MSRA: variants seen among roughly 807,000 people sequenced by gnomAD.
MSRA encodes methionine sulfoxide reductase A.
Under a neutral mutation model 31.3 loss-of-function variants are expected in MSRA, and 54 were observed. The ratio of observed to expected loss-of-function variants is 1.73; its 90% CI spans 1.39 to 2.17. MSRA has a LOEUF of 2.17. Ranked by LOEUF, MSRA falls within the 30% of genes most tolerant of loss-of-function variation. The pLI is 0.00. For missense variants in MSRA, 507 were observed against 300.9 expected (o/e 1.69, Z -5.07); for synonymous variants, 169 against 116.5 (o/e 1.45, Z -2.90).
intron 1 of MSRA, among the ~76,000 whole-genome samples, chr8:10,204,534 A>G (rs963468590): frequency 6.6e-6 from 1 of 152,204 alleles, no homozygotes; most frequent in Admixed American, 6.5e-5. Context: ...CAGTATAGTC[A>G]CATGCTGTAC....
chr8:10,398,927 G>T (rs1440134474), intron 5 of MSRA, among the ~76,000 whole-genome samples: 1 of 152,188 alleles, frequency 6.6e-6, no homozygotes, highest in African/African-American at 2.4e-5. Context: ...CCTGGCAGAA[G>T]CCCCTATCGA....
At chr8:10,099,406 T>G (rs1334504276) in intron 1 of MSRA, among the ~76,000 whole-genome samples, 1 of 152,142 alleles carries the variant, frequency 6.6e-6, no homozygotes, top group Admixed American at 6.5e-5. Flanking sequence ...CCCATAGGAA[T>G]TCCTAGTGTA....
chr8:10,080,608 C>T (rs1320954414), intron 1 of MSRA, among the ~76,000 whole-genome samples: 6 of 152,012 alleles, frequency 3.9e-5, no homozygotes, highest in Non-Finnish European at 8.8e-5. Flanking sequence ...TTACTGCAGC[C>T]TTGAACTTCT....
chr8:10,263,899 T>A (rs868121497), intron 3 of MSRA, among the ~76,000 whole-genome samples: 1 of 152,232 alleles, frequency 6.6e-6, no homozygotes, highest in Non-Finnish European at 1.5e-5. Flanking sequence ...GATTTGGTCA[T>A]TTTAAAAGCT....
At chr8:10,151,762 G>A (rs569126540) in intron 1 of MSRA, among the ~76,000 whole-genome samples, 18 of 152,302 alleles carry the variant, frequency 1.2e-4, no homozygotes, top group Admixed American at 7.8e-4. Context: ...GGAAAGCGAT[G>A]GTGAGATTAT....
At chr8:10,064,586 A>AT (rs1299971249) in intron 1 of MSRA, among the ~76,000 whole-genome samples, 5 of 152,228 alleles carry the variant, frequency 3.3e-5, no homozygotes, top group African/African-American at 1.2e-4. Context: ...AAAATACAAA[A>AT]TTTAGGAACA....
chr8:10,390,532 T>G (rs1806676790), intron 5 of MSRA, among the ~76,000 whole-genome samples: 1 of 152,146 alleles, frequency 6.6e-6, no homozygotes, highest in Admixed American at 6.5e-5. Context: ...TATGACAGGA[T>G]AGGAAGCAAA....
intron 1 of MSRA, among the ~76,000 whole-genome samples, chr8:10,116,307 G>T (rs1800673114): frequency 6.6e-6 from 1 of 152,076 alleles, no homozygotes; most frequent in African/African-American, 2.4e-5. Context: ...TTTATATGTG[G>T]CCCAAGGCAG....
chr8:10,424,634 A>T lies in MSRA; in HGVS notation c.544-3514A>T, dbSNP rs550828338. ...CCAGGGTGGAGTGGGATCAGGGAGA[A>T]GGGTCTGCGGCGGAGCTAAACTGGA... On this transcript the variant is annotated intron_variant, in intron 5 of 5. Coordinates refer to ENST00000317173, the MANE Select transcript of MSRA (RefSeq NM_012331.5). 2.2e-5 allele frequency among the ~76,000 whole-genome samples: 3 copies of T among 139,168 alleles called. No homozygotes were observed. The East Asian group carries it at 6.9e-4, about 32-fold the overall frequency. The allele number at this position is 139,168 out of a possible 152,430, so 91.3% of individuals were successfully genotyped here.
intron 1 of MSRA, among the ~76,000 whole-genome samples, chr8:10,074,847 C>T (rs934780184): frequency 1.1e-4 from 16 of 151,874 alleles, no homozygotes; most frequent in East Asian, 1.9e-4. Flanking sequence ...TACCCAGAGA[C>T]GGGGGTTCAC....
At chr8:10,273,188 A>G (rs963013077) in intron 3 of MSRA, among the ~76,000 whole-genome samples, 2 of 152,186 alleles carry the variant, frequency 1.3e-5, no homozygotes, top group Non-Finnish European at 2.9e-5. Context: ...GAGTTGTTCA[A>G]TCTGTTAGCA....
intron 1 of MSRA, among the ~76,000 whole-genome samples, chr8:10,102,327 C>G (rs1451552048): frequency 6.6e-6 from 1 of 152,104 alleles, no homozygotes; most frequent in Admixed American, 6.6e-5. Flanking sequence ...TTTTTTAAGT[C>G]TATTTTCTCT....
At chr8:10,299,909 C>A (rs1318196044) in intron 3 of MSRA, among the ~76,000 whole-genome samples, 7 of 152,166 alleles carry the variant, frequency 4.6e-5, no homozygotes, top group Admixed American at 4.6e-4. Flanking sequence ...GCTTCAGAAG[C>A]ATGGAAAAAT....
At chr8:10,296,349 T>C (rs1800541376) in intron 3 of MSRA, among the ~76,000 whole-genome samples, 1 of 152,216 alleles carries the variant, frequency 6.6e-6, no homozygotes, top group Admixed American at 6.5e-5. Context: ...GAAAGGTTAA[T>C]AGCAATAACA....
chr8:10,060,972 G>A (rs1802684008), intron 1 of MSRA, among the ~76,000 whole-genome samples: 1 of 152,170 alleles, frequency 6.6e-6, no homozygotes, highest in South Asian at 2.1e-4. Flanking sequence ...TTTTAGAAAA[G>A]TTTTCCCCAA....
At position 10,428,145 on chromosome 8, in the gene MSRA, CA is replaced by C. The variant is rs752881968; in HGVS notation, c.544-2del. ...CTGATGGCGCCTTTCTGTGTCCCCA[CA>C]GGTTCTTTCAGAGCACGGCTTCGGC... is the stretch of plus-strand genomic sequence containing the variant. On this transcript the variant is annotated splice_acceptor_variant, in intron 5 of 5. Transcript: ENST00000317173. LOFTEE classifies it high-confidence loss of function. The C allele has an allele frequency of 5.0e-6, 8 of 1,610,722 alleles. No homozygotes were observed. Among genetic ancestry groups the C allele is most frequent in the Non-Finnish European group, 5.9e-6 (7 of 1,179,188 alleles).
intron 3 of MSRA, among the ~76,000 whole-genome samples, chr8:10,295,177 A>G (rs996091414): frequency 2.0e-5 from 3 of 151,976 alleles, no homozygotes; most frequent in African/African-American, 4.8e-5. Flanking sequence ...TTGTCTTGCT[A>G]CGTTCTCAGA....
At chr8:10,422,368 G>C (rs1346701555) in intron 5 of MSRA, among the ~76,000 whole-genome samples, 2 of 152,156 alleles carry the variant, frequency 1.3e-5, no homozygotes, top group Non-Finnish European at 2.9e-5. Flanking sequence ...AACTAGGTAA[G>C]GGGCCCATTT....
chr8:10,205,567 G>A (rs1808885790), intron 1 of MSRA, among the ~76,000 whole-genome samples: 1 of 152,114 alleles, frequency 6.6e-6, no homozygotes, highest in Admixed American at 6.5e-5. Flanking sequence ...CTGGGCCATC[G>A]ACAGACCTTG....
Sources: gnomAD v4.1 joint callset for allele counts (sites outside exome capture counted in the v4.1 genomes callset) on GRCh38, gnomAD v4.1.1 for gene constraint, MANE v1.5 for transcripts, NCBI Gene and HGNC (gene_info 2026-07-23, HGNC 2026-07-21) for gene names.